Variants in BMERB1 observed in about 807,000 individuals in gnomAD.
The protein encoded by BMERB1 is bMERB domain-containing protein 1.
A neutral mutation model predicts 23.6 loss-of-function variants in BMERB1; 12 were observed. That is an observed-to-expected ratio of 0.51 (90% CI 0.33 to 0.82). The LOEUF (loss-of-function observed/expected upper bound fraction) is 0.82, where lower values mean the gene tolerates loss of function less well. Ranked by LOEUF, BMERB1 falls within the 40% of genes least tolerant of loss-of-function variation. The pLI is 0.03. For synonymous variants in BMERB1, 122 were observed against 96.6 expected, an observed-to-expected ratio of 1.26 and a Z score of -1.54; for missense variants, 247 against 255.4, an observed-to-expected ratio of 0.97 and a Z score of 0.22.
chr16:15,486,193 C>A (rs972791121), intron 1 of BMERB1, among the ~76,000 whole-genome samples: 1 of 140,396 alleles, frequency 7.1e-6, no homozygotes, highest in African/African-American at 2.6e-5. Flanking sequence ...CAGAGCAAGA[C>A]TCCATCTCAA....
At chr16:15,478,013 T>C (rs2051287838) in intron 1 of BMERB1, among the ~76,000 whole-genome samples, 2 of 152,210 alleles carry the variant, frequency 1.3e-5, no homozygotes, top group Admixed American at 6.6e-5. Context: ...TCACTTTGCT[T>C]ATGATACTGT....
At position 15,488,721 on chromosome 16, in the gene BMERB1, T is replaced by C. The variant is rs1434285414; in HGVS notation, c.107-26584T>C. ...AGCTGGGCGTGGTGGTGGGTGTCTG[T>C]GGTCCCAGGTACCCCGGAGGCTGAG... On this transcript the variant is annotated intron_variant, in intron 1 of 5. Transcript: ENST00000300006. Among the ~76,000 whole-genome samples the C allele has an allele frequency of 6.1e-5, 9 of 148,450 alleles. 1 individual carries two copies. The highest frequency in any genetic ancestry group is 2.2e-4 in the African/African-American group (9 of 40,242).
chr16:15,523,793 A>AT lies in BMERB1; in HGVS notation c.230+8367dup, dbSNP rs2051879582. 2.0e-5 allele frequency among the ~76,000 whole-genome samples: 3 copies of AT among 152,126 alleles called. No individual in the cohort carries two copies. In the South Asian group the frequency reaches 6.2e-4, roughly 32 times the overall value. ...ATTCAAAATTCCCTTCTTTCCTTTC[A>AT]TTGTTAACATTGTGCTTCGTGGGAG... On this transcript the variant is annotated intron_variant, in intron 2 of 5. Transcript: ENST00000300006.
intron 1 of BMERB1, among the ~76,000 whole-genome samples, chr16:15,514,467 G>A (rs749234572): frequency 6.6e-6 from 1 of 152,078 alleles, no homozygotes; most frequent in African/African-American, 2.4e-5. Context: ...GCTTTTGTGA[G>A]CCCACTTGTG....
At chr16:15,555,016 G>T (rs2030213434) in intron 2 of BMERB1, among the ~76,000 whole-genome samples, 1 of 152,068 alleles carries the variant, frequency 6.6e-6, no homozygotes, top group Non-Finnish European at 1.5e-5. Context: ...AGCAATACTG[G>T]TGTTTGTTTG....
At chr16:15,542,030 G>A (rs2052089127) in intron 2 of BMERB1, among the ~76,000 whole-genome samples, 1 of 149,830 alleles carries the variant, frequency 6.7e-6, no homozygotes, top group African/African-American at 2.5e-5. Context: ...ACAGGCATGA[G>A]CCTCTGCATC....
intron 2 of BMERB1, among the ~76,000 whole-genome samples, chr16:15,563,846 AG>A (rs1204971814): frequency 1.3e-5 from 2 of 152,162 alleles, no homozygotes; most frequent in African/African-American, 4.8e-5. Flanking sequence ...ATTTGACATG[AG>A]ATGTGGGCAG....
chr16:15,446,930 A>G (rs917998088), intron 1 of BMERB1, among the ~76,000 whole-genome samples: 1 of 152,184 alleles, frequency 6.6e-6, no homozygotes, highest in Non-Finnish European at 1.5e-5. Flanking sequence ...CTTCACAAAG[A>G]AAGGCTTTCT....
intron 1 of BMERB1, among the ~76,000 whole-genome samples, chr16:15,501,194 G>A (rs1389260754): frequency 1.3e-5 from 2 of 150,980 alleles, no homozygotes; most frequent in Non-Finnish European, 2.9e-5. Context: ...TGCCTAGGTT[G>A]GACTTAAACT....
intron 2 of BMERB1, among the ~76,000 whole-genome samples, chr16:15,534,118 A>G (rs2051997751): frequency 2.0e-5 from 3 of 151,930 alleles, no homozygotes; most frequent in Admixed American, 6.6e-5. Context: ...TTGAGGAGCA[A>G]TACAATGAGG....
intron 1 of BMERB1, among the ~76,000 whole-genome samples, chr16:15,454,530 C>T (rs1222899992): frequency 2.0e-5 from 3 of 152,068 alleles, no homozygotes; most frequent in African/African-American, 7.2e-5. Context: ...TGGTGGCTCA[C>T]GCCTGTAATC....
At chr16:15,551,323 C>T (rs956533851) in intron 2 of BMERB1, among the ~76,000 whole-genome samples, 14 of 152,182 alleles carry the variant, frequency 9.2e-5, no homozygotes, top group African/African-American at 2.9e-4. Context: ...GTATCAGGGA[C>T]GGGGTGGTGT....
At chr16:15,512,302 C>T (rs116522622) in intron 1 of BMERB1, among the ~76,000 whole-genome samples, 2,193 of 152,160 alleles carry the variant, frequency 0.014, 60 homozygotes, top group African/African-American at 0.051. Flanking sequence ...AGGTGGACTC[C>T]TAGAAGAGGG....
chr16:15,571,359 C>CT (rs58521843), intron 3 of BMERB1, among the ~76,000 whole-genome samples: 3,026 of 142,764 alleles, frequency 0.021, 86 homozygotes, highest in African/African-American at 0.066. Flanking sequence ...CAAAAACCTA[C>CT]TTTTTTTTTT....
At chr16:15,449,660 C>T (rs1454482999) in intron 1 of BMERB1, among the ~76,000 whole-genome samples, 1 of 151,974 alleles carries the variant, frequency 6.6e-6, no homozygotes, top group Non-Finnish European at 1.5e-5. Flanking sequence ...ATTCTCCTGC[C>T]TCAGCCTGCT....
At chr16:15,519,986 GCA>G (rs1038407256) in intron 2 of BMERB1, among the ~76,000 whole-genome samples, 3 of 152,214 alleles carry the variant, frequency 2.0e-5, no homozygotes, top group African/African-American at 7.2e-5. Flanking sequence ...ACATGAGGGA[GCA>G]CACAGAGTTG....
chr16:15,521,921 C>CT (rs2051857867), intron 2 of BMERB1, among the ~76,000 whole-genome samples: 2 of 152,186 alleles, frequency 1.3e-5, no homozygotes, highest in Non-Finnish European at 2.9e-5. Flanking sequence ...GGCAAGAACT[C>CT]TCAGAGGCTG....
At chr16:15,541,097 G>C (rs1056786944) in intron 2 of BMERB1, among the ~76,000 whole-genome samples, 1 of 151,944 alleles carries the variant, frequency 6.6e-6, no homozygotes, top group Non-Finnish European at 1.5e-5. Context: ...GGGTTCCCAC[G>C]ACCACCTCCT....
At chr16:15,443,593 A>G (rs2050959882) in intron 1 of BMERB1, among the ~76,000 whole-genome samples, 1 of 152,140 alleles carries the variant, frequency 6.6e-6, no homozygotes, top group Middle Eastern at 3.4e-3. Context: ...CAACTTATAA[A>G]GCAGTATAAT....
Sources: allele counts gnomAD v4.1 joint callset (sites outside exome capture counted in the v4.1 genomes callset), GRCh38; gene constraint gnomAD v4.1.1; transcripts MANE v1.5; gene names NCBI Gene and HGNC (gene_info 2026-07-23, HGNC 2026-07-21).